Variants in SYTL4 observed in about 807,000 individuals in gnomAD.
SYTL4 encodes synaptotagmin like 4, also known as synaptotagmin-like protein 4.
A neutral mutation model predicts 52.7 loss-of-function variants in SYTL4; 16 were observed. The ratio of observed to expected loss-of-function variants is 0.30; its 90% confidence interval spans 0.21 to 0.46. The LOEUF is 0.46. SYTL4 is among the 20% of genes least tolerant of loss of function. The pLI, the probability that SYTL4 is intolerant of heterozygous loss-of-function variation, is 1.00. For missense variants in SYTL4, 423 were observed against 519.9 expected (o/e 0.81, Z 1.81); for synonymous variants, 160 against 186.6 (o/e 0.86, Z 1.16).
chrX:100,723,972 G>T (rs751440600), intron 2 of SYTL4, among the ~76,000 whole-genome samples: 1,898 of 99,486 alleles, frequency 0.019, 46 homozygotes, highest in East Asian at 0.082. Context: ...AGGTGGGGGG[G>T]TCAGCCCCCC....
chrX:100,698,393 G>A (rs758997976), intron 8 of SYTL4, among the ~76,000 whole-genome samples: 4 of 112,104 alleles, frequency 3.6e-5, no homozygotes, highest in East Asian at 5.6e-4. Flanking sequence ...GTGAGCCACT[G>A]TGCCCAGCCC....
chrX:100,685,823 A>G (rs924390890), intron 16 of SYTL4, 167 bp downstream of exon 16: 1 of 491,611 alleles, frequency 2.0e-6, no homozygotes, highest in Admixed American at 4.3e-5. Flanking sequence ...CTCACACTTG[A>G]TAGACAAATG....
chrX:100,682,405 G>GA (rs796968534), intron 16 of SYTL4, among the ~76,000 whole-genome samples: 1,747 of 102,423 alleles, frequency 0.017, 44 homozygotes, highest in African/African-American at 0.052. Flanking sequence ...GCTTGCAGGG[G>GA]AAAAAAAAAA....
At chrX:100,719,911 T>C (rs1291620552) in intron 2 of SYTL4, among the ~76,000 whole-genome samples, 4 of 111,817 alleles carry the variant, frequency 3.6e-5, no homozygotes, top group Non-Finnish European at 7.5e-5. Context: ...CTTAATACTA[T>C]ATATTCATTT....
chrX:100,701,020 T>G (rs755485489), intron 7 of SYTL4, 21 bp from the exon 8 acceptor site: 2 of 1,153,206 alleles, frequency 1.7e-6, no homozygotes, highest in East Asian at 3.0e-5. Context: ...AAGAAAAGTA[T>G]GCCAGGGTGG....
At chrX:100,684,638 T>C (rs1325577564) in intron 16 of SYTL4, 2 of 109,556 alleles carry the variant, frequency 1.8e-5, no homozygotes, top group African/African-American at 6.6e-5. Context: ...AAGAAAAAAA[T>C]ACATATAAAT....
At chrX:100,676,874 C>G (rs1432556650) in intron 19 of SYTL4, among the ~76,000 whole-genome samples, 1 of 111,494 alleles carries the variant, frequency 9.0e-6, no homozygotes, top group Non-Finnish European at 1.9e-5. Flanking sequence ...TTCATATTCT[C>G]TTATATATTC....
intron 12 of SYTL4, among the ~76,000 whole-genome samples, chrX:100,689,050 C>T (rs1420035757): frequency 4.6e-5 from 5 of 109,853 alleles, no homozygotes; most frequent in African/African-American, 9.9e-5. Flanking sequence ...TATTTGAGCC[C>T]CAGCCATATA....
At chrX:100,716,555 A>G in intron 2 of SYTL4, among the ~76,000 whole-genome samples, 1 of 106,131 alleles carries the variant, frequency 9.4e-6, no homozygotes, top group Non-Finnish European at 1.9e-5. Flanking sequence ...TTAAAAAAAA[A>G]AAAAAAAAAA....
Position 100,688,459 on chromosome X carries a change from T to C in SYTL4, c.913-16A>G, listed in dbSNP as rs761815475. The C allele has an allele frequency of 1.7e-6, 2 of 1,162,030 alleles. No individual in the cohort carries two copies. The highest frequency in any genetic ancestry group is 1.9e-5 in the South Asian group (1 of 53,033). On this transcript the variant is annotated splice_polypyrimidine_tract_variant and intron_variant, in intron 12 of 19. Transcript: ENST00000372989. ...CTTCCTCTTCCTGGAACAATAAATA[T>C]AAATTCAGAGTTAATAAAAGAAAGA...
At chrX:100,712,888 C>T (rs2084102802) in intron 2 of SYTL4, among the ~76,000 whole-genome samples, 1 of 111,712 alleles carries the variant, frequency 9.0e-6, no homozygotes, top group South Asian at 3.7e-4. Flanking sequence ...CACATGAAAA[C>T]ATGATCAACA....
At position 100,700,913 on chromosome X, in the gene SYTL4, G is replaced by A. The variant is rs770652822; in HGVS notation, c.523C>T (p.Arg175Trp). The A allele has an allele frequency of 5.8e-6, 7 of 1,207,414 alleles. No individual in the cohort carries two copies. The highest frequency in any genetic ancestry group is 3.5e-5 in the South Asian group (2 of 56,713). The change falls in exon 8 of 20, where the codon CGG (arginine) becomes TGG (tryptophan). Residue 175 changes from arginine (R) to tryptophan (W), a missense_variant. Arg to Trp is a moderately radical substitution (Grantham distance 101). Coordinates refer to ENST00000372989, the MANE Select transcript of SYTL4 (RefSeq NM_001370165.1). The part of the protein sequence containing the change: ...IWPGRKIIQE[R>W]QKEPSVLFEV... ...GATTCTTACCTGGGCTCCTTCTGCCGCTCCTGAATGATCTTTCTTCCTGGC... is the reference window on the plus strand; with the variant it reads ...GATTCTTACCTGGGCTCCTTCTGCCACTCCTGAATGATCTTTCTTCCTGGC...
At chrX:100,702,141 G>T in intron 4 of SYTL4, 34 bp from the exon 5 acceptor site, 1 of 545,275 alleles carries the variant, frequency 1.8e-6, no homozygotes, top group Non-Finnish European at 3.0e-6. Context: ...TCACACAGAT[G>T]ATTTACTCAA....
chrX:100,725,992 G>A (rs1259549936), intron 2 of SYTL4, among the ~76,000 whole-genome samples: 2 of 110,513 alleles, frequency 1.8e-5, no homozygotes, highest in African/African-American at 6.6e-5. Context: ...GTCAAGTTAG[G>A]TTTAGATAGT....
intron 12 of SYTL4, 24 bp downstream of exon 12, chrX:100,689,832 C>T (rs982407477): frequency 2.8e-6 from 3 of 1,074,199 alleles, no homozygotes; most frequent in Non-Finnish European, 3.8e-6. Context: ...ATATAGTGAC[C>T]AAGTAAAATA....
At chrX:100,693,509 C>T (rs913544531) in intron 8 of SYTL4, among the ~76,000 whole-genome samples, 2 of 112,267 alleles carry the variant, frequency 1.8e-5, no homozygotes, top group Non-Finnish European at 3.8e-5. Context: ...CTCACTGCCT[C>T]CACTGCCATT....
At chrX:100,701,843 T>C in intron 5 of SYTL4, 85 bp downstream of exon 5, 1 of 872,252 alleles carries the variant, frequency 1.1e-6, no homozygotes, top group East Asian at 3.2e-5. Flanking sequence ...CAAATTCCTA[T>C]GAAAGTCAGG....
rs1378790840 is a variant in SYTL4 at position 100,674,919 on chromosome X, G to C, written c.*1109C>G. The C allele has an allele frequency of 1.8e-5, 2 of 111,552 alleles. No homozygotes were observed. The highest frequency in any genetic ancestry group is 1.9e-4 in the Admixed American group (2 of 10,485). 9.2% of individuals were successfully genotyped at this position (111,552 alleles called of 1,213,427 possible). ...AATTTAGGAAACAATAGCAAAAACA[G>C]GAACTGAAAGCTCATCAAGCAGGAA... On this transcript the variant is annotated 3_prime_UTR_variant, in exon 20 of 20. Transcript: ENST00000372989.
At chrX:100,717,803 A>G (rs746730350) in intron 2 of SYTL4, among the ~76,000 whole-genome samples, 1 of 111,899 alleles carries the variant, frequency 8.9e-6, no homozygotes, top group African/African-American at 3.2e-5. Context: ...TTACACGGAG[A>G]GAAAATCTGC....
Sources: allele counts gnomAD v4.1 joint callset (sites outside exome capture counted in the v4.1 genomes callset), GRCh38; gene constraint gnomAD v4.1.1; transcripts MANE v1.5; gene names NCBI Gene and HGNC (gene_info 2026-07-23, HGNC 2026-07-21).